The following BTBD10 variants were observed in gnomAD, a reference collection of about 807,000 sequenced individuals.
The protein encoded by BTBD10 is BTB/POZ domain-containing protein 10.
In BTBD10, 21 loss-of-function variants were observed where a neutral mutation model predicts 53.2. The observed-to-expected ratio is 0.39, with a 90% CI of 0.28 to 0.57. The LOEUF (loss-of-function observed/expected upper bound fraction) is 0.57. Ranked by LOEUF, BTBD10 falls within the 20% of genes least tolerant of loss-of-function variation. BTBD10 has a pLI of 0.53. For missense variants in BTBD10, 360 were observed against 594.7 expected, an observed-to-expected ratio of 0.61 and a Z score of 4.10; for synonymous variants, 149 against 192.7, an observed-to-expected ratio of 0.77 and a Z score of 1.88.
chr11:13,397,377 T>C (rs1319421141), intron 8 of BTBD10, among the ~76,000 whole-genome samples: 2 of 152,160 alleles, frequency 1.3e-5, no homozygotes, highest in African/African-American at 2.4e-5. Flanking sequence ...TCTGTGGGAT[T>C]GGTGGTGATA....
At chr11:13,449,744 TAGA>T (rs1181682264) in intron 1 of BTBD10, among the ~76,000 whole-genome samples, 2 of 152,206 alleles carry the variant, frequency 1.3e-5, no homozygotes, top group Non-Finnish European at 2.9e-5. Context: ...TCATCTATGA[TAGA>T]AGGTAGAAAG....
chr11:13,395,692 A>C (rs1423668310), intron 8 of BTBD10, among the ~76,000 whole-genome samples: 1 of 152,128 alleles, frequency 6.6e-6, no homozygotes, highest in East Asian at 1.9e-4. Flanking sequence ...TAAGTCTTTA[A>C]TCCATCTTGA....
In BTBD10 at chr11:13,408,964, C is replaced by A. The variant is rs539271183; in HGVS notation, c.809-3108G>T. 2.6e-5 allele frequency among the ~76,000 whole-genome samples: 4 copies of A among 152,200 alleles called. No homozygotes were observed. The East Asian group carries it at 7.7e-4, about 29-fold the overall frequency. On this transcript the variant is annotated intron_variant, in intron 6 of 8. Coordinates refer to ENST00000278174, the MANE Select transcript of BTBD10 (RefSeq NM_032320.7). ...AACTCTACACTGACTTCTGTGTGAA[C>A]AGGGCCCCCATGAAATGGTACAATG...
At chr11:13,430,974 T>TACATACACACACACACAC (rs1555026672) in intron 2 of BTBD10, among the ~76,000 whole-genome samples, 1 of 144,384 alleles carries the variant, frequency 6.9e-6, no homozygotes, top group South Asian at 2.2e-4. Context: ...TGGAGATACA[T>TACATACACACACACACAC]ACACACACAC....
At chr11:13,454,834 TAACA>T (rs1227033324) in intron 1 of BTBD10, among the ~76,000 whole-genome samples, 1 of 152,214 alleles carries the variant, frequency 6.6e-6, no homozygotes, top group Non-Finnish European at 1.5e-5. Flanking sequence ...AGGGAGACTC[TAACA>T]AACAGATTTA....
chr11:13,390,149 A>C (rs774186237), intron 8 of BTBD10, among the ~76,000 whole-genome samples: 3 of 152,128 alleles, frequency 2.0e-5, no homozygotes, highest in Non-Finnish European at 4.4e-5. Flanking sequence ...TGTCCTTAAG[A>C]AACTATTATA....
At chr11:13,419,391 TAAAC>T in intron 4 of BTBD10, 65 bp downstream of exon 4, 1 of 1,554,232 alleles carries the variant, frequency 6.4e-7, no homozygotes, top group Non-Finnish European at 8.7e-7. Flanking sequence ...CTGTAAAACT[TAAAC>T]AAAAAAATAA....
At chr11:13,426,350 A>G (rs955760945) in intron 2 of BTBD10, among the ~76,000 whole-genome samples, 1 of 152,164 alleles carries the variant, frequency 6.6e-6, no homozygotes, top group African/African-American at 2.4e-5. Flanking sequence ...GAAGACCTGC[A>G]TTGCAAGAAA....
At chr11:13,455,625 A>G (rs1263659659) in intron 1 of BTBD10, among the ~76,000 whole-genome samples, 9 of 152,176 alleles carry the variant, frequency 5.9e-5, no homozygotes, top group African/African-American at 1.4e-4. Flanking sequence ...ACTATGACCA[A>G]AAAGTGTTGA....
chr11:13,404,515 A>T (rs552560785), intron 7 of BTBD10: 4 of 687,488 alleles, frequency 5.8e-6, no homozygotes, highest in Non-Finnish European at 7.2e-6. Context: ...TGTAAGTTAT[A>T]AGCTTGTTCA....
At chr11:13,406,693 C>T (rs900948584) in intron 6 of BTBD10, among the ~76,000 whole-genome samples, 17 of 151,592 alleles carry the variant, frequency 1.1e-4, no homozygotes, top group South Asian at 4.2e-4. Context: ...TGAAGGAAGA[C>T]GCTAGAACTC....
chr11:13,427,085 C>T (rs1173471562), intron 2 of BTBD10, among the ~76,000 whole-genome samples: 3 of 152,106 alleles, frequency 2.0e-5, no homozygotes, highest in Non-Finnish European at 4.4e-5. Flanking sequence ...GGTGTGGTGG[C>T]ACATGCCTGT....
chr11:13,407,581 A>G (rs1321607982), intron 6 of BTBD10, among the ~76,000 whole-genome samples: 2 of 152,164 alleles, frequency 1.3e-5, no homozygotes, highest in Non-Finnish European at 1.5e-5. Context: ...AATTCAAATA[A>G]TTCCCCAAGT....
At chr11:13,422,119 A>C (rs1950252868) in intron 2 of BTBD10, among the ~76,000 whole-genome samples, 1 of 152,206 alleles carries the variant, frequency 6.6e-6, no homozygotes, top group Non-Finnish European at 1.5e-5. Flanking sequence ...TTGTAGTAAT[A>C]ATAGTAGTAG....
At position 13,421,798 on chromosome 11, in the gene BTBD10, T is replaced by A; in HGVS notation, c.142A>T (p.Lys48Ter). Reference sequence around the variant, plus strand: ...CCACTAGCACCATGTAGACTCATTTTGGTGTGGTCAACTCCTCCTTTAGCA... The same window carrying A: ...CCACTAGCACCATGTAGACTCATTTAGGTGTGGTCAACTCCTCCTTTAGCA... ...RIAKGGVDHT[K>*]MSLHGASGGH... Residue 48 changes from lysine to a stop codon, truncating the protein, a stop_gained, in exon 3 of 9, where the codon AAA (lysine) becomes TAA (stop). Transcript: ENST00000278174. LOFTEE classifies it high-confidence loss of function. 6.2e-7 allele frequency: 1 copy of A among 1,613,868 alleles called. No individual in the cohort carries two copies. The highest frequency in any genetic ancestry group is 8.5e-7 in the Non-Finnish European group (1 of 1,179,864).
chr11:13,446,554 TA>T (rs1407068861), intron 1 of BTBD10, among the ~76,000 whole-genome samples: 6 of 152,178 alleles, frequency 3.9e-5, no homozygotes, highest in East Asian at 1.9e-4. Flanking sequence ...ATGAGTGAAA[TA>T]AAAATAAAAG....
At chr11:13,411,060 G>A (rs544244776) in intron 6 of BTBD10, among the ~76,000 whole-genome samples, 106 of 152,248 alleles carry the variant, frequency 7.0e-4, no homozygotes, top group African/African-American at 2.5e-3. Context: ...TAGAGAAAGG[G>A]AAAGACTGAT....
chr11:13,448,959 A>C (rs1288891115), intron 1 of BTBD10, among the ~76,000 whole-genome samples: 1 of 152,218 alleles, frequency 6.6e-6, no homozygotes, highest in Non-Finnish European at 1.5e-5. Context: ...TGATAGAAAT[A>C]AATTTAAATT....
intron 2 of BTBD10, among the ~76,000 whole-genome samples, chr11:13,428,936 A>G (rs553860031): frequency 6.6e-6 from 1 of 152,314 alleles, no homozygotes; most frequent in East Asian, 1.9e-4. Context: ...ATACAAAATC[A>G]GTATTTTAAA....
Sources: gnomAD v4.1 joint callset for allele counts (sites outside exome capture counted in the v4.1 genomes callset) on GRCh38, gnomAD v4.1.1 for gene constraint, MANE v1.5 for transcripts, NCBI Gene and HGNC (gene_info 2026-07-23, HGNC 2026-07-21) for gene names.